The following PCSK6 variants were observed in gnomAD, a reference collection of about 807,000 sequenced individuals.
The protein encoded by PCSK6 is paired basic amino acid cleaving enzyme 4.
Under a neutral mutation model 123.3 loss-of-function variants are expected in PCSK6, and 85 were observed. That is an observed-to-expected ratio of 0.69 (90% CI 0.58 to 0.83). The LOEUF is 0.83. Among genes scored for constraint, PCSK6 ranks in the 40% least tolerant of loss-of-function variants. PCSK6 has a pLI of 0.00. For missense variants in PCSK6, 1,191 were observed against 1,282.3 expected, an observed-to-expected ratio of 0.93 and a Z score of 1.09; for synonymous variants, 508 against 516.0, an observed-to-expected ratio of 0.98 and a Z score of 0.21.
At chr15:101,379,752 C>T (rs2041859209) in intron 11 of PCSK6, among the ~76,000 whole-genome samples, 2 of 152,196 alleles carry the variant, frequency 1.3e-5, no homozygotes, top group African/African-American at 4.8e-5. Flanking sequence ...TTTTCGGCCA[C>T]GTGATCCTAG....
Position 101,358,394 on chromosome 15 carries a change from G to A in PCSK6, c.1858+7802C>T, listed in dbSNP as rs181354260. 3.7e-3 allele frequency among the ~76,000 whole-genome samples: 564 copies of A among 152,216 alleles called. 10 individuals carry two copies. Among genetic ancestry groups the A allele is most frequent in the Admixed American group, 0.033 (504 of 15,298 alleles). Reference sequence around the variant, plus strand: ...AAGCCCTTCCTTGTTTCTTTCAGCCGGAAATCCCTGTTTGCTCCACTGAAC... The same window carrying A: ...AAGCCCTTCCTTGTTTCTTTCAGCCAGAAATCCCTGTTTGCTCCACTGAAC... On this transcript the variant is annotated intron_variant, in intron 13 of 21. Transcript: ENST00000611716.
At chr15:101,450,564 C>T (rs1174754967) in intron 1 of PCSK6, among the ~76,000 whole-genome samples, 1 of 152,206 alleles carries the variant, frequency 6.6e-6, no homozygotes, top group Non-Finnish European at 1.5e-5. Flanking sequence ...CAGGGCCTGG[C>T]TGTGTCTGGA....
chr15:101,409,562 G>A (rs2042881714), intron 6 of PCSK6, among the ~76,000 whole-genome samples: 1 of 142,234 alleles, frequency 7.0e-6, no homozygotes, highest in African/African-American at 2.8e-5. Flanking sequence ...TCCAGCCTGG[G>A]CGACAGAGTA....
At chr15:101,411,424 G>A (rs146829083) in intron 6 of PCSK6, among the ~76,000 whole-genome samples, 5 of 152,208 alleles carry the variant, frequency 3.3e-5, no homozygotes, top group African/African-American at 1.2e-4. Context: ...CTTCTCAGAA[G>A]AAATGCTATC....
chr15:101,383,396 C>T (rs117254756), intron 10 of PCSK6, among the ~76,000 whole-genome samples: 4,563 of 125,572 alleles, frequency 0.036, 97 homozygotes, highest in Middle Eastern at 0.078. Context: ...GGCAACAAGA[C>T]GAGACTCTGT....
In PCSK6 at chr15:101,431,552, T is replaced by G. The variant is rs565231416; in HGVS notation, c.514-89A>C. 7.2e-6 allele frequency: 11 copies of G among 1,532,046 alleles called. 1 individual carries two copies. In the South Asian group the frequency reaches 1.3e-4, roughly 18 times the overall value. 94.9% of individuals were successfully genotyped at this position (1,532,046 alleles called of 1,614,324 possible). On this transcript the variant is annotated intron_variant, in intron 3 of 21. Transcript: ENST00000611716. Reference sequence around the variant, plus strand: ...GGTGCACACCCCACAGGGAGGCGCTTAGGCTTGCAAGTAAAAAAGGAGGGA... The same window carrying G: ...GGTGCACACCCCACAGGGAGGCGCTGAGGCTTGCAAGTAAAAAAGGAGGGA...
intron 13 of PCSK6, among the ~76,000 whole-genome samples, chr15:101,333,638 C>A (rs1340987578): frequency 6.6e-6 from 1 of 152,260 alleles, no homozygotes; most frequent in African/African-American, 2.4e-5. Context: ...ACATACCTGC[C>A]TATGCACTGT....
chr15:101,354,200 C>T (rs1012384166), intron 13 of PCSK6, among the ~76,000 whole-genome samples: 1 of 152,216 alleles, frequency 6.6e-6, no homozygotes, highest in Admixed American at 6.5e-5. Flanking sequence ...CATGCACACA[C>T]ACACAGATAC....
rs755344254 is a variant in PCSK6, at chr15:101,443,651, G to C, written c.307C>G (p.Leu103Val). The change falls in exon 2 of 22, where the codon CTG becomes GTG. Residue 103 changes from leucine to valine, a missense_variant. Leu to Val is a conservative substitution (Grantham distance 32, BLOSUM62 1). Around this residue, in one of 3 missense-constraint regions of PCSK6, gnomAD observed 204 missense variants for 166.4 expected, o/e 1.23. Coordinates refer to ENST00000611716, the MANE Select transcript of PCSK6 (RefSeq NM_002570.5). ...GYLNLGQIGN[L>V]EDYYHFYHSK... ...TGATAAAAATGGTAGTAATCTTCCA[G>C]GTTTCCAATCTGCAAGACAAGAAGC... The C allele has an allele frequency of 6.2e-7, 1 of 1,613,014 alleles. No homozygotes were observed. Among genetic ancestry groups the C allele is most frequent in the Non-Finnish European group, 8.5e-7 (1 of 1,179,034 alleles).
At chr15:101,450,602 T>A (rs554508069) in intron 1 of PCSK6, among the ~76,000 whole-genome samples, 1 of 152,288 alleles carries the variant, frequency 6.6e-6, no homozygotes, top group South Asian at 2.1e-4. Flanking sequence ...ATCTGCCTGA[T>A]GAAATGAACA....
chr15:101,398,563 C>T lies in PCSK6; in HGVS notation c.837G>A (p.Leu279=). 6.2e-7 allele frequency: 1 copy of T among 1,612,378 alleles called. No homozygotes were observed. Among genetic ancestry groups the T allele is most frequent in the Non-Finnish European group, 8.5e-7 (1 of 1,179,066 alleles). The change falls in exon 7 of 22, where the codon CTG becomes CTA. Residue 279 remains leucine (L), a synonymous_variant. Transcript: ENST00000611716. The surrounding 1 kb of genome is among the most constrained non-coding windows in gnomAD (Gnocchi z 4.6). ...CGACCACATCTGTGACATCGCCGTC[C>T]AGCATGCGGATGCCTGAAAGCACAG... ...YNAKIGGIRM[L]DGDVTDVVEA...
intron 6 of PCSK6, among the ~76,000 whole-genome samples, chr15:101,426,116 C>G (rs2056247242): frequency 6.6e-6 from 1 of 152,192 alleles, no homozygotes; most frequent in Admixed American, 6.5e-5. Flanking sequence ...GTGGGGTCCA[C>G]CCCTCACTCA....
intron 18 of PCSK6, among the ~76,000 whole-genome samples, chr15:101,321,514 T>C (rs1394887488): frequency 6.6e-6 from 1 of 152,260 alleles, no homozygotes; most frequent in Non-Finnish European, 1.5e-5. Context: ...GCTGCAAAGA[T>C]TAAATGAGGC....
intron 9 of PCSK6, among the ~76,000 whole-genome samples, chr15:101,388,308 A>G (rs943712858): frequency 6.6e-6 from 1 of 152,226 alleles, no homozygotes; most frequent in Non-Finnish European, 1.5e-5. Context: ...GCAAATCCAC[A>G]TGCAAACACA....
chr15:101,489,664 G>T lies in PCSK6; in HGVS notation c.7C>A (p.Pro3Thr). The change falls in exon 1 of 22, where the codon CCG becomes ACG. Residue 3 changes from proline (P) to threonine (T), a missense_variant. Coordinates refer to ENST00000611716, the MANE Select transcript of PCSK6 (RefSeq NM_002570.5). The part of the protein sequence containing the change: MP[P>T]RAPPAPGPRP... Reference sequence around the variant, plus strand: ...GGCCCGGGCGCAGGCGGCGCGCGCGGAGGCATAGCGGCGACAGGCTCGCGC... The same window carrying T: ...GGCCCGGGCGCAGGCGGCGCGCGCGTAGGCATAGCGGCGACAGGCTCGCGC... The T allele has an allele frequency of 1.0e-6, 1 of 976,870 alleles. No homozygotes were observed. The highest frequency in any genetic ancestry group is 1.2e-6 in the Non-Finnish European group (1 of 825,414). The allele number at this position is 976,870 out of a possible 1,614,324, so 60.5% of individuals were successfully genotyped here. A position where few individuals can be genotyped will look rare whatever the true frequency, so the allele number is the denominator to read the frequency against.
At chr15:101,401,345 C>A (rs1001920309) in intron 6 of PCSK6, among the ~76,000 whole-genome samples, 1 of 152,242 alleles carries the variant, frequency 6.6e-6, no homozygotes, top group Non-Finnish European at 1.5e-5. Flanking sequence ...TCAGTGTTAT[C>A]TATCTTCTCT....
chr15:101,364,452 G>C (rs1257445177), intron 13 of PCSK6, among the ~76,000 whole-genome samples: 1 of 152,102 alleles, frequency 6.6e-6, no homozygotes, highest in Non-Finnish European at 1.5e-5. Flanking sequence ...ATAAAGACTA[G>C]TTAAATAAAT....
intron 2 of PCSK6, among the ~76,000 whole-genome samples, chr15:101,435,117 C>T (rs889726339): frequency 6.6e-6 from 1 of 152,158 alleles, no homozygotes; most frequent in African/African-American, 2.4e-5. Flanking sequence ...CAAAGCTCTG[C>T]CTTCAATGCC....
At chr15:101,381,955 G>A (rs561096544) in intron 11 of PCSK6, 137 bp downstream of exon 11, 104 of 617,476 alleles carry the variant, frequency 1.7e-4, no homozygotes, top group African/African-American at 1.4e-3. Flanking sequence ...AAACGCAGAC[G>A]TGTGCAGGCA....
Sources: gnomAD v4.1 joint callset for allele counts (sites outside exome capture counted in the v4.1 genomes callset) on GRCh38, gnomAD v4.1.1 for gene constraint, gnomAD v4.1.1 regional missense constraint, Gnocchi (gnomAD v3.1) non-coding constraint, MANE v1.5 for transcripts, NCBI Gene and HGNC (gene_info 2026-07-23, HGNC 2026-07-21) for gene names.